Variants in IRAG2 observed in about 807,000 individuals in gnomAD.
IRAG2 encodes the protein inositol 1,4,5-triphosphate receptor associated 2.
IRAG2 carries 45 observed loss-of-function variants against 69.9 expected under a neutral mutation model. That is an observed-to-expected ratio of 0.64 (90% CI 0.51 to 0.83). The LOEUF (loss-of-function observed/expected upper bound fraction) is 0.83, where lower values mean the gene tolerates loss of function less well. Among genes scored for constraint, IRAG2 ranks in the 40% least tolerant of loss-of-function variants. The probability of loss-of-function intolerance (pLI) is 0.00; values close to 1 mark genes in which losing one functional copy is unlikely to be tolerated. For synonymous variants in IRAG2, 193 were observed against 202.4 expected (o/e 0.95, Z 0.40); for missense variants, 520 against 587.0 (o/e 0.89, Z 1.18).
intron 15 of IRAG2, among the ~76,000 whole-genome samples, chr12:25,099,045 C>G (rs1484456632): frequency 6.6e-6 from 1 of 152,170 alleles, no homozygotes; most frequent in Non-Finnish European, 1.5e-5. Context: ...TCCTGGACCT[C>G]TGAATATTGA....
chr12:25,069,067 T>C (rs991131803), intron 5 of IRAG2, among the ~76,000 whole-genome samples: 1 of 152,220 alleles, frequency 6.6e-6, no homozygotes, highest in African/African-American at 2.4e-5. Context: ...GGGCCTAATC[T>C]ACCTCAATAA....
chr12:25,072,109 G>T (rs1477207265), intron 6 of IRAG2, among the ~76,000 whole-genome samples: 5 of 152,098 alleles, frequency 3.3e-5, no homozygotes, highest in Non-Finnish European at 7.3e-5. Context: ...GGAGGCTGAG[G>T]CAGGAGAATC....
chr12:25,020,024 C>T (rs1309391588), intron 6 of IRAG2, among the ~76,000 whole-genome samples: 5 of 152,194 alleles, frequency 3.3e-5, no homozygotes, highest in Non-Finnish European at 7.3e-5. Flanking sequence ...TCATTCTTCC[C>T]TTCTTCAATG....
chr12:25,030,776 G>T (rs1210969865), intron 10 of IRAG2, among the ~76,000 whole-genome samples: 1 of 152,146 alleles, frequency 6.6e-6, no homozygotes, highest in Non-Finnish European at 1.5e-5. Context: ...CTAAATTCTG[G>T]TGGTGTTCAT....
upstream of IRAG2, chr12:25,004,319 G>C: frequency 2.4e-6 from 3 of 1,230,400 alleles, no homozygotes; most frequent in South Asian, 8.2e-5. Flanking sequence ...CACTTCATCT[G>C]TATACTAGGA....
chr12:25,092,588 G>C (rs989812163), intron 14 of IRAG2: 1 of 117,494 alleles, frequency 8.5e-6, no homozygotes, highest in African/African-American at 2.9e-5. Context: ...AAAAAAAAAA[G>C]GACAGTTTCA....
intron 6 of IRAG2, among the ~76,000 whole-genome samples, chr12:25,018,589 G>A (rs1394400875): frequency 6.6e-6 from 1 of 152,088 alleles, no homozygotes; most frequent in African/African-American, 2.4e-5. Context: ...TAAAAAAATT[G>A]CTTACCTCAA....
At chr12:25,014,807 A>C (rs1251492659) in intron 3 of IRAG2, among the ~76,000 whole-genome samples, 2 of 151,836 alleles carry the variant, frequency 1.3e-5, no homozygotes, top group Non-Finnish European at 2.9e-5. Flanking sequence ...TCCACTTACC[A>C]GTCCAACCTA....
chr12:25,087,721 C>A (rs886947559), intron 10 of IRAG2, among the ~76,000 whole-genome samples: 1 of 152,082 alleles, frequency 6.6e-6, no homozygotes. Context: ...GGAATTGCGC[C>A]GCACAGCAGG....
chr12:25,100,147 A>T (rs1355514171), intron 15 of IRAG2, among the ~76,000 whole-genome samples: 1 of 152,046 alleles, frequency 6.6e-6, no homozygotes, highest in Non-Finnish European at 1.5e-5. Flanking sequence ...CCACAATGAG[A>T]TACCACTTCA....
intron 16 of IRAG2, among the ~76,000 whole-genome samples, chr12:25,041,037 G>A (rs1159957417): frequency 6.6e-6 from 1 of 152,216 alleles, no homozygotes; most frequent in Non-Finnish European, 1.5e-5. Flanking sequence ...CCTGAGGAGT[G>A]ATGAATTGAG....
intron 15 of IRAG2, among the ~76,000 whole-genome samples, chr12:25,098,104 T>C (rs1948532089): frequency 6.6e-6 from 1 of 152,204 alleles, no homozygotes; most frequent in Non-Finnish European, 1.5e-5. Flanking sequence ...CTACCTTGCA[T>C]GTCCCCTCAT....
At chr12:25,036,773 C>T (rs961615167) in intron 15 of IRAG2, 9 of 396,274 alleles carry the variant, frequency 2.3e-5, no homozygotes, top group African/African-American at 1.0e-4. Flanking sequence ...ATTTCTAAGA[C>T]TTTATTGTAG....
chr12:25,047,605 C>T (rs939829174), upstream of IRAG2, among the ~76,000 whole-genome samples: 5 of 152,096 alleles, frequency 3.3e-5, no homozygotes, highest in Admixed American at 3.3e-4. Flanking sequence ...CTTCCTGATG[C>T]TCTCCCTCCT....
chr12:25,045,987 A>G (rs894847739), intron 16 of IRAG2, among the ~76,000 whole-genome samples: 3 of 152,128 alleles, frequency 2.0e-5, no homozygotes, highest in Non-Finnish European at 4.4e-5. Context: ...AAGCCAGTCA[A>G]ATACAAAAGC....
chr12:25,102,303 T>C (rs1948804259), intron 17 of IRAG2, 62 bp downstream of exon 17: 5 of 1,391,446 alleles, frequency 3.6e-6, no homozygotes, highest in African/African-American at 1.4e-5. Flanking sequence ...TAAAATGTTA[T>C]TTGAAGTTTC....
Position 25,039,714 on chromosome 12 carries a change from G to A in IRAG2, c.2144+1577G>A, listed in dbSNP as rs141103594. Among the ~76,000 whole-genome samples, 76 of 152,320 alleles carry A rather than the reference G, an allele frequency of 5.0e-4. 1 individual carries two copies. The East Asian group carries it at 0.013, about 26-fold the overall frequency. ...CAAAGTGCTGGGATTACAGGCGTGAGCCACCACACCCGGCAACATTCTTCT... is the reference window on the plus strand; with the variant it reads ...CAAAGTGCTGGGATTACAGGCGTGAACCACCACACCCGGCAACATTCTTCT... On this transcript the variant is annotated intron_variant, in intron 16 of 38. Transcript: ENST00000636465.
At chr12:24,999,832 AT>A (rs1255225864), upstream of IRAG2, among the ~76,000 whole-genome samples, 2 of 151,912 alleles carry the variant, frequency 1.3e-5, no homozygotes, top group Non-Finnish European at 2.9e-5. Flanking sequence ...AAAAAAAAAA[AT>A]ACAAGACAGC....
intron 16 of IRAG2, among the ~76,000 whole-genome samples, chr12:25,039,795 G>A (rs1191205424): frequency 1.3e-5 from 2 of 152,000 alleles, no homozygotes; most frequent in Admixed American, 1.3e-4. Flanking sequence ...ATCTCGAAAT[G>A]AGTGAATCTT....
Sources: allele counts gnomAD v4.1 joint callset (sites outside exome capture counted in the v4.1 genomes callset), GRCh38; gene constraint gnomAD v4.1.1; transcripts MANE v1.5; gene names NCBI Gene and HGNC (gene_info 2026-07-23, HGNC 2026-07-21).